The following ATXN1 variants were observed in gnomAD, a reference collection of about 807,000 sequenced individuals.
The protein encoded by ATXN1 is ataxin-1.
A neutral mutation model predicts 56.4 loss-of-function variants in ATXN1; 8 were observed. The ratio of observed to expected loss-of-function variants is 0.14; its 90% confidence interval spans 0.08 to 0.26. The LOEUF (loss-of-function observed/expected upper bound fraction) is 0.26, where lower values mean the gene tolerates loss of function less well. Ranked by LOEUF, ATXN1 falls within the 10% of genes least tolerant of loss-of-function variation. The pLI is 1.00. For missense variants in ATXN1, 987 were observed against 1,106.5 expected (o/e 0.89, Z 1.53); for synonymous variants, 514 against 494.6 (o/e 1.04, Z -0.52).
rs919683660 is a variant in ATXN1 at position 16,300,399 on chromosome 6, C to T, written c.*5930G>A. ...CACAGGAGAAAGTTAGCTACCAGAA[C>T]AGTTGCCTTCAACGAGAAGGGAGGG... On this transcript the variant is annotated 3_prime_UTR_variant, in exon 8 of 8. Transcript: ENST00000436367. The T allele has an allele frequency of 6.6e-6, 1 of 152,584 alleles. No individual in the cohort carries two copies. Among genetic ancestry groups the T allele is most frequent in the African/African-American group, 2.4e-5 (1 of 41,432 alleles). 9.5% of individuals were successfully genotyped at this position (152,584 alleles called of 1,614,324 possible). A position where few individuals can be genotyped will look rare whatever the true frequency, so the allele number is the denominator to read the frequency against.
intron 6 of ATXN1, among the ~76,000 whole-genome samples, chr6:16,418,554 T>A (rs1341044684): frequency 6.6e-6 from 1 of 152,108 alleles, no homozygotes. Flanking sequence ...TCCTTTTTTT[T>A]ATTTTATTTT....
intron 6 of ATXN1, among the ~76,000 whole-genome samples, chr6:16,398,698 T>C (rs936117136): frequency 3.3e-5 from 5 of 152,222 alleles, no homozygotes; most frequent in Non-Finnish European, 7.3e-5. Flanking sequence ...TTATCAGATA[T>C]GTACACATTT....
chr6:16,599,206 G>A (rs1367229639), intron 3 of ATXN1, among the ~76,000 whole-genome samples: 2 of 152,084 alleles, frequency 1.3e-5, no homozygotes, highest in African/African-American at 4.8e-5. Context: ...TCACTCTAAA[G>A]GGCCAGCCAT....
At chr6:16,555,263 T>C (rs1761990180) in intron 4 of ATXN1, among the ~76,000 whole-genome samples, 1 of 152,216 alleles carries the variant, frequency 6.6e-6, no homozygotes, top group Non-Finnish European at 1.5e-5. Flanking sequence ...AAACACTGCC[T>C]GAGCAACTGC....
intron 2 of ATXN1, among the ~76,000 whole-genome samples, chr6:16,688,120 T>G (rs1477241739): frequency 6.6e-6 from 1 of 152,198 alleles, no homozygotes; most frequent in African/African-American, 2.4e-5. Flanking sequence ...CAGGGACTTG[T>G]GTATATTGTA....
At chr6:16,629,468 C>T (rs1763466501) in intron 3 of ATXN1, among the ~76,000 whole-genome samples, 1 of 152,108 alleles carries the variant, frequency 6.6e-6, no homozygotes, top group South Asian at 2.1e-4. Flanking sequence ...GCTGGGATTA[C>T]AGGCACTCGC....
chr6:16,608,716 C>G (rs895160117), intron 3 of ATXN1, among the ~76,000 whole-genome samples: 4 of 152,146 alleles, frequency 2.6e-5, no homozygotes, highest in African/African-American at 9.7e-5. Flanking sequence ...CCTAATTGGA[C>G]CATGCAGCGT....
intron 6 of ATXN1, among the ~76,000 whole-genome samples, chr6:16,466,600 T>C (rs1295983937): frequency 4.6e-5 from 7 of 152,268 alleles, no homozygotes; most frequent in African/African-American, 1.7e-4. Flanking sequence ...ATAATTCAGA[T>C]GGAAAGACAT....
chr6:16,486,648 C>T (rs1408323456), intron 5 of ATXN1, among the ~76,000 whole-genome samples: 1 of 152,154 alleles, frequency 6.6e-6, no homozygotes, highest in Non-Finnish European at 1.5e-5. Context: ...TCTGCATGCC[C>T]TACTGTGCTG....
chr6:16,626,746 C>A (rs1763414108), intron 3 of ATXN1, among the ~76,000 whole-genome samples: 1 of 152,042 alleles, frequency 6.6e-6, no homozygotes, highest in Admixed American at 6.6e-5. Flanking sequence ...GAAATTGGAC[C>A]TTTTGAGAGG....
chr6:16,458,800 G>A (rs145000650), intron 6 of ATXN1, among the ~76,000 whole-genome samples: 25 of 152,354 alleles, frequency 1.6e-4, no homozygotes, highest in African/African-American at 5.8e-4. Flanking sequence ...ATCACTAGAC[G>A]GGGTACTGCC....
At chr6:16,596,574 G>A (rs236934) in intron 3 of ATXN1, among the ~76,000 whole-genome samples, 4,189 of 152,204 alleles carry the variant, frequency 0.028, 174 homozygotes, top group African/African-American at 0.095. Flanking sequence ...AAAGTGTGTT[G>A]GGCATTTTAT....
intron 6 of ATXN1, among the ~76,000 whole-genome samples, chr6:16,463,490 C>T (rs1420630970): frequency 6.6e-6 from 1 of 152,202 alleles, no homozygotes; most frequent in East Asian, 1.9e-4. Context: ...CACACACTCT[C>T]AAAGGATTTC....
At chr6:16,658,068 G>C (rs1243771985) in intron 2 of ATXN1, among the ~76,000 whole-genome samples, 167 bp from the exon 3 acceptor site, 2 of 151,858 alleles carry the variant, frequency 1.3e-5, no homozygotes, top group East Asian at 3.9e-4. Flanking sequence ...ATCTACATAA[G>C]GTGCCCTAAA....
At position 16,326,146 on chromosome 6, in the gene ATXN1, T is replaced by A. The variant is rs1345439191; in HGVS notation, c.1917+248A>T. Among the ~76,000 whole-genome samples, 2 of 152,158 alleles carry A rather than the reference T, an allele frequency of 1.3e-5. No individual in the cohort carries two copies. The highest frequency in any genetic ancestry group is 2.9e-5 in the Non-Finnish European group (2 of 68,030). On this transcript the variant is annotated intron_variant, in intron 7 of 7. Coordinates refer to ENST00000436367, the MANE Select transcript of ATXN1 (RefSeq NM_001128164.2). The surrounding 1 kb of genome is among the most constrained non-coding windows in gnomAD (Gnocchi z 6.6). ...ATAACTAGAGTGGTGAGTTTCTGGA[T>A]TGTCTCAAGGACTCCATAACTAGCC...
intron 2 of ATXN1, among the ~76,000 whole-genome samples, chr6:16,744,214 T>C (rs1319733618): frequency 2.0e-5 from 3 of 152,122 alleles, no homozygotes; most frequent in Non-Finnish European, 4.4e-5. Flanking sequence ...CCTAGGAAGT[T>C]GTTCCCAACC....
In ATXN1 at chr6:16,760,111, C is replaced by G. The variant is rs1011116042; in HGVS notation, c.-730+1187G>C. ...CTGCCCCCTGCGGGACCGGCCTGCG[C>G]GCAGCACTGGAACCACGTAGGAGGA... On this transcript the variant is annotated intron_variant, in intron 1 of 7. Coordinates refer to ENST00000436367, the MANE Select transcript of ATXN1 (RefSeq NM_001128164.2). This position sits in a 1 kb window ranked among gnomAD's most constrained non-coding sequence, Gnocchi z 5.3. 2.0e-5 allele frequency among the ~76,000 whole-genome samples: 3 copies of G among 152,226 alleles called. No homozygotes were observed. The highest frequency in any genetic ancestry group is 2.4e-5 in the African/African-American group (1 of 41,550).
At chr6:16,589,855 C>CTCAGAAAAT (rs1762691739) in intron 3 of ATXN1, among the ~76,000 whole-genome samples, 2 of 152,094 alleles carry the variant, frequency 1.3e-5, no homozygotes, top group South Asian at 4.2e-4. Flanking sequence ...TAGAAAGGAG[C>CTCAGAAAAT]TCAGAAAATT....
At chr6:16,409,261 A>C (rs1208542387) in intron 6 of ATXN1, among the ~76,000 whole-genome samples, 1 of 152,002 alleles carries the variant, frequency 6.6e-6, no homozygotes, top group African/African-American at 2.4e-5. Flanking sequence ...TCTGTTCCAC[A>C]CAATTGCCTT....
Sources: gnomAD v4.1 joint callset for allele counts (sites outside exome capture counted in the v4.1 genomes callset) on GRCh38, gnomAD v4.1.1 for gene constraint, Gnocchi (gnomAD v3.1) non-coding constraint, MANE v1.5 for transcripts, NCBI Gene and HGNC (gene_info 2026-07-23, HGNC 2026-07-21) for gene names.